ACSS3: variants seen among roughly 807,000 people sequenced by gnomAD.
ACSS3 encodes acyl-CoA synthetase short-chain family member 3, mitochondrial.
Under a neutral mutation model 84.2 loss-of-function variants are expected in ACSS3, and 64 were observed. The observed-to-expected ratio is 0.76, with a 90% CI of 0.62 to 0.94. ACSS3 has a LOEUF of 0.94. Among genes scored for constraint, ACSS3 ranks in the 40% least tolerant of loss-of-function variants. The pLI is 0.00. For synonymous variants in ACSS3, 317 were observed against 310.1 expected, an observed-to-expected ratio of 1.02 and a Z score of -0.23; for missense variants, 815 against 867.6, an observed-to-expected ratio of 0.94 and a Z score of 0.76.
rs367708094 is a variant in ACSS3, at chr12:81,131,258, A to G, written c.457-3558A>G. 4.6e-5 allele frequency among the ~76,000 whole-genome samples: 7 copies of G among 152,292 alleles called. No homozygotes were observed. The East Asian group carries it at 9.7e-4, about 21-fold the overall frequency. On this transcript the variant is annotated intron_variant, in intron 2 of 15. Coordinates refer to ENST00000548058, the MANE Select transcript of ACSS3 (RefSeq NM_024560.4). ...ACAATATTAATTCTTCCCATCCATG[A>G]GCATGGAGTGTTCTTCCATTTGTTT...
At chr12:81,163,823 G>C (rs560027828) in intron 7 of ACSS3, among the ~76,000 whole-genome samples, 1 of 152,152 alleles carries the variant, frequency 6.6e-6, no homozygotes, top group Non-Finnish European at 1.5e-5. Context: ...GAATGAACAT[G>C]TAAACAAAGA....
At chr12:81,102,915 T>C (rs1365855895) in intron 1 of ACSS3, among the ~76,000 whole-genome samples, 1 of 152,164 alleles carries the variant, frequency 6.6e-6, no homozygotes, top group South Asian at 2.1e-4. Flanking sequence ...GATGATAATA[T>C]AGATTAATTC....
chr12:81,167,061 G>A (rs1887436879), intron 7 of ACSS3, among the ~76,000 whole-genome samples: 2 of 152,182 alleles, frequency 1.3e-5, no homozygotes, highest in Admixed American at 1.3e-4. Context: ...GTATACTAGG[G>A]GTAAATGCTC....
intron 13 of ACSS3, among the ~76,000 whole-genome samples, chr12:81,252,548 T>C (rs1342043546): frequency 1.3e-5 from 2 of 152,058 alleles, no homozygotes; most frequent in Admixed American, 6.6e-5. Flanking sequence ...CCAAAATAAA[T>C]GTTAATCTTT....
intron 3 of ACSS3, among the ~76,000 whole-genome samples, chr12:81,136,753 T>A (rs1442735176): frequency 6.6e-6 from 1 of 152,150 alleles, no homozygotes; most frequent in African/African-American, 2.4e-5. Context: ...AGTAAAAGTT[T>A]TTGAACAGGC....
At chr12:81,216,341 C>A (rs531056116) in intron 9 of ACSS3, among the ~76,000 whole-genome samples, 220 of 151,760 alleles carry the variant, frequency 1.4e-3, no homozygotes, top group Non-Finnish European at 1.4e-3. Context: ...AGGAGATATA[C>A]CTAATGCTAA....
intron 13 of ACSS3, among the ~76,000 whole-genome samples, chr12:81,234,073 CT>C (rs1210468467): frequency 6.6e-6 from 1 of 151,420 alleles, no homozygotes; most frequent in African/African-American, 2.4e-5. Context: ...TATTCTGACT[CT>C]GGTACCCCTT....
At position 81,107,511 on chromosome 12, in the gene ACSS3, C is replaced by CACACATATATAT. The variant is rs1403415163; in HGVS notation, c.312-2048_312-2047insCACATATATATA. Among the ~76,000 whole-genome samples, 98 of 38,832 alleles carry CACACATATATAT rather than the reference C, an allele frequency of 2.5e-3. 12 individuals carry two copies. The highest frequency in any genetic ancestry group is 0.026 in the Middle Eastern group (1 of 38). The allele number at this position is 38,832 out of a possible 152,430, so 25.5% of individuals were successfully genotyped here. A position where few individuals can be genotyped will look rare whatever the true frequency, so the allele number is the denominator to read the frequency against. ...TTTTTTTTTCAGGTACAAATATATA[C>CACACATATATAT]ATATATATATATATATATATATATA... is the stretch of plus-strand genomic sequence containing the variant. On this transcript the variant is annotated intron_variant, in intron 1 of 15. Coordinates refer to ENST00000548058, the MANE Select transcript of ACSS3 (RefSeq NM_024560.4).
chr12:81,236,288 G>A (rs1046587813), intron 13 of ACSS3, among the ~76,000 whole-genome samples: 45 of 151,294 alleles, frequency 3.0e-4, no homozygotes, highest in Non-Finnish European at 5.8e-4. Flanking sequence ...TGAACCAGTC[G>A]TGCATTCCTG....
intron 9 of ACSS3, among the ~76,000 whole-genome samples, chr12:81,212,739 C>A (rs1009772621): frequency 6.6e-6 from 1 of 152,036 alleles, no homozygotes; most frequent in Admixed American, 6.5e-5. Flanking sequence ...ACTTCAGAGT[C>A]AGAAATTTTA....
At position 81,208,275 on chromosome 12, in the gene ACSS3, G is replaced by C. The variant is rs1241850195; in HGVS notation, c.1355-8626G>C. On this transcript the variant is annotated intron_variant, in intron 9 of 15. Coordinates refer to ENST00000548058, the MANE Select transcript of ACSS3 (RefSeq NM_024560.4). ...GACTACCGACTTCTAAATCCATATT[G>C]TTTTAATGTAGTTTCTGGAACCACT... Among the ~76,000 whole-genome samples, 6 of 152,244 alleles carry C rather than the reference G, an allele frequency of 3.9e-5. No homozygotes were observed. In the South Asian group the frequency reaches 8.3e-4, roughly 21 times the overall value.
chr12:81,251,956 G>A (rs1401805545), intron 13 of ACSS3, among the ~76,000 whole-genome samples: 10 of 152,106 alleles, frequency 6.6e-5, no homozygotes, highest in Admixed American at 6.6e-4. Context: ...ATGCTAAAAT[G>A]AGTTGGAAGT....
Position 81,260,072 on chromosome 12 carries a change from C to G in ACSS3, c.*5150C>G, listed in dbSNP as rs747539100. On this transcript the variant is annotated 3_prime_UTR_variant, in exon 16 of 16. Transcript: ENST00000548058. ...ACCTTTATTTGTTACAAAAACATAA[C>G]GATAATAAGTCACCTATTGTAAACG... The G allele has an allele frequency of 6.4e-6, 1 of 155,316 alleles. No homozygotes were observed. Among genetic ancestry groups the G allele is most frequent in the Non-Finnish European group, 1.4e-5 (1 of 70,276 alleles). 9.6% of individuals were successfully genotyped at this position (155,316 alleles called of 1,614,324 possible). A position where few individuals can be genotyped will look rare whatever the true frequency, so the allele number is the denominator to read the frequency against.
At chr12:81,225,860 A>T (rs556496283) in intron 11 of ACSS3, among the ~76,000 whole-genome samples, 222 of 152,070 alleles carry the variant, frequency 1.5e-3, no homozygotes, top group Non-Finnish European at 1.4e-3. Context: ...CATAAATAAA[A>T]GAGTAAATAA....
intron 7 of ACSS3, among the ~76,000 whole-genome samples, chr12:81,154,213 T>C (rs1386392224): frequency 6.6e-6 from 1 of 152,214 alleles, no homozygotes; most frequent in African/African-American, 2.4e-5. Flanking sequence ...CTTACATAAA[T>C]ATGACAAAGC....
intron 7 of ACSS3, among the ~76,000 whole-genome samples, chr12:81,170,979 C>T (rs146509345): frequency 1.3e-5 from 2 of 152,216 alleles, no homozygotes; most frequent in African/African-American, 4.8e-5. Flanking sequence ...TTTGCTTCAG[C>T]TTTCTGAAGC....
At position 81,109,585 on chromosome 12, in the gene ACSS3, T is replaced by G; in HGVS notation, c.337T>G (p.Cys113Gly). 6.2e-7 allele frequency: 1 copy of G among 1,611,550 alleles called. No individual in the cohort carries two copies. Among genetic ancestry groups the G allele is most frequent in the Non-Finnish European group, 8.5e-7 (1 of 1,178,910 alleles). The change falls in exon 2 of 16, where the codon TGT (cysteine) becomes GGT (glycine). Residue 113 changes from cysteine (C) to glycine (G), a missense_variant. Physicochemically the swap from Cys to Gly is radical, Grantham distance 159. Coordinates refer to ENST00000548058, the MANE Select transcript of ACSS3 (RefSeq NM_024560.4). ...RWFVEGMLNI[C>G]YNAVDRHIEN... ...GTTTGTGGAAGGAATGCTTAACATT[T>G]GTTACAATGCCGTTGATCGTCATAT...
At chr12:81,175,812 C>T (rs1417368792) in intron 8 of ACSS3, among the ~76,000 whole-genome samples, 1 of 152,010 alleles carries the variant, frequency 6.6e-6, no homozygotes. Context: ...TGAATGAAAA[C>T]AAATGTACAA....
At chr12:81,200,146 C>T (rs1369167040) in intron 9 of ACSS3, among the ~76,000 whole-genome samples, 1 of 152,122 alleles carries the variant, frequency 6.6e-6, no homozygotes, top group Non-Finnish European at 1.5e-5. Context: ...AGACAACCAC[C>T]ACAACAATAA....
Sources: allele counts gnomAD v4.1 joint callset (sites outside exome capture counted in the v4.1 genomes callset), GRCh38; gene constraint gnomAD v4.1.1; transcripts MANE v1.5; gene names NCBI Gene and HGNC (gene_info 2026-07-23, HGNC 2026-07-21).